ATAD3B: variants seen among roughly 807,000 people sequenced by gnomAD.
ATAD3B encodes the protein ATPase family AAA domain containing 3B, also known as ATPase family AAA domain-containing protein 3B.
ATAD3B carries 59 observed loss-of-function variants against 70.2 expected under a neutral mutation model. That is an observed-to-expected ratio of 0.84 (90% CI 0.68 to 1.04). The LOEUF (loss-of-function observed/expected upper bound fraction) is 1.04, where lower values mean the gene tolerates loss of function less well. Ranked by LOEUF, ATAD3B falls within the 50% of genes least tolerant of loss-of-function variation. The probability of loss-of-function intolerance (pLI) is 0.00; values close to 1 mark genes in which losing one functional copy is unlikely to be tolerated. For missense variants in ATAD3B, 961 were observed against 913.4 expected (o/e 1.05, Z -0.67); for synonymous variants, 423 against 388.6 (o/e 1.09, Z -1.04).
chr1:1,489,364 T>A (rs1211366275), intron 13 of ATAD3B, 90 bp downstream of exon 13: 1 of 1,593,476 alleles, frequency 6.3e-7, no homozygotes, highest in East Asian at 2.2e-5. Flanking sequence ...CTCACAGTGC[T>A]GGGCACCAGC....
intron 2 of ATAD3B, chr1:1,478,068 C>A (rs1639690880): frequency 5.4e-6 from 1 of 185,150 alleles, no homozygotes; most frequent in Non-Finnish European, 1.1e-5. Flanking sequence ...ATGGTTTGAT[C>A]TCGGCTCACT....
downstream of ATAD3B, among the ~76,000 whole-genome samples, chr1:1,499,752 GC>G (rs1640904561): frequency 1.3e-5 from 2 of 150,880 alleles, 1 homozygote; most frequent in Non-Finnish European, 2.9e-5. Flanking sequence ...GCGCCACCAA[GC>G]CCGGCTAATT....
intron 7 of ATAD3B, chr1:1,483,109 G>GT (rs1557802538): frequency 4.5e-6 from 2 of 445,050 alleles, no homozygotes; most frequent in Non-Finnish European, 9.0e-6. Flanking sequence ...CCTGGTAAGA[G>GT]TGAAACCCTG....
intron 4 of ATAD3B, among the ~76,000 whole-genome samples, chr1:1,480,127 A>G: frequency 7.1e-6 from 1 of 141,102 alleles, no homozygotes; most frequent in South Asian, 2.3e-4. Flanking sequence ...ACGTGTACGC[A>G]CCCCCACTCA....
chr1:1,483,303 C>G (rs1557802841), intron 7 of ATAD3B, among the ~76,000 whole-genome samples: 1 of 151,662 alleles, frequency 6.6e-6, no homozygotes, highest in Non-Finnish European at 1.5e-5. Flanking sequence ...CCCATCTCTG[C>G]TAAAAATACA....
In ATAD3B at chr1:1,486,125, CG is replaced by C. The variant is rs1317445682; in HGVS notation, c.982del (p.Val328CysfsTer6). On this transcript the variant is annotated frameshift_variant, in exon 10 of 16. Transcript: ENST00000673477. LOFTEE classifies it high-confidence loss of function. ...TCCCCGGCAGCCCAGCCTGGAAGCA[CG>C]GGTGCGCGACATCGCCATAGCAACC... ...GVVLSPSLEARVRDIAIATRN... is the reference protein window; with the variant it reads ...GVVLSPSLEAXVRDIAIATRN... 6.2e-7 allele frequency: 1 copy of C among 1,613,032 alleles called. No homozygotes were observed. Among genetic ancestry groups the C allele is most frequent in the East Asian group, 2.2e-5 (1 of 44,886 alleles).
In ATAD3B at chr1:1,496,407, A is replaced by G. The variant is rs3843247; in HGVS notation, c.*590A>G. On this transcript the variant is annotated 3_prime_UTR_variant, in exon 16 of 16. Coordinates refer to ENST00000673477, the MANE Select transcript of ATAD3B (RefSeq NM_031921.6). The stretch of plus-strand genomic sequence containing the variant: ...CCGGGACTGCCGCCTGCGCCCCACC[A>G]GCCCCTCCCTCCTGAAGGAGGGGCA... The G allele has an allele frequency of 4.1e-6, 1 of 242,630 alleles. No homozygotes were observed. Among genetic ancestry groups the G allele is most frequent in the Non-Finnish European group, 6.6e-6 (1 of 151,042 alleles). The allele number at this position is 242,630 out of a possible 1,614,324, so 15.0% of individuals were successfully genotyped here. A position where few individuals can be genotyped will look rare whatever the true frequency, so the allele number is the denominator to read the frequency against.
At position 1,489,196 on chromosome 1, in the gene ATAD3B, C is replaced by T. The variant is rs201345207; in HGVS notation, c.1267-8C>T. 4 of 1,613,468 alleles carry T rather than the reference C, an allele frequency of 2.5e-6. No individual in the cohort carries two copies. The highest frequency in any genetic ancestry group is 2.7e-5 in the African/African-American group (2 of 75,048). The stretch of plus-strand genomic sequence containing the variant: ...CTGGTGCCTAAGGCTGGAACCTTCT[C>T]TCTGCAGGAGGAGATAAGCAAGGAC... On this transcript the variant is annotated splice_polypyrimidine_tract_variant and splice_region_variant and intron_variant, in intron 12 of 15. Coordinates refer to ENST00000673477, the MANE Select transcript of ATAD3B (RefSeq NM_031921.6).
Position 1,495,655 on chromosome 1 carries a change from A to G in ATAD3B, c.1785A>G (p.Ser595=), listed in dbSNP as rs776553293. The G allele has an allele frequency of 1.2e-6, 2 of 1,612,684 alleles. No homozygotes were observed. Among genetic ancestry groups the G allele is most frequent in the Non-Finnish European group, 1.7e-6 (2 of 1,179,296 alleles). ...GAGTCCAAGGCGAGACCCTCACCTCATGGAGCCTGGCCACGGACCCCTCCT... is the reference window on the plus strand; with the variant it reads ...GAGTCCAAGGCGAGACCCTCACCTCGTGGAGCCTGGCCACGGACCCCTCCT... ...LSGVQGETLT[S]WSLATDPSYP... The change falls in exon 16 of 16, where the codon TCA becomes TCG. Residue 595 remains serine, a synonymous_variant. Transcript: ENST00000673477.
At chr1:1,479,513 C>G (rs1249100635) in intron 4 of ATAD3B, among the ~76,000 whole-genome samples, 1 of 143,056 alleles carries the variant, frequency 7.0e-6, no homozygotes, top group Non-Finnish European at 1.5e-5. Context: ...CATGGACAGA[C>G]ACCCGCAAAC....
At chr1:1,486,448 A>G in intron 10 of ATAD3B, 96 bp from the exon 11 acceptor site, 1 of 1,609,204 alleles carries the variant, frequency 6.2e-7, no homozygotes, top group Non-Finnish European at 8.5e-7. Flanking sequence ...CCAGACAGGG[A>G]CACCCGGCAG....
rs181726866 is a variant in ATAD3B, at chr1:1,493,278, G to A, written c.1615-2207G>A. ...CATATCTCTGGCCAGAGCTTCCAGC[G>A]ATATGTGGAATAGAAGTGGTCAGAA... On this transcript the variant is annotated intron_variant, in intron 15 of 15. Coordinates refer to ENST00000673477, the MANE Select transcript of ATAD3B (RefSeq NM_031921.6). Among the ~76,000 whole-genome samples the A allele has an allele frequency of 5.3e-5, 8 of 151,930 alleles. No homozygotes were observed. The South Asian group carries it at 6.3e-4, about 12-fold the overall frequency.
chr1:1,504,928 TTGTGTGTGTG>T, the ATAD3B span, among the ~76,000 whole-genome samples: 3 of 149,418 alleles, frequency 2.0e-5, no homozygotes, highest in Non-Finnish European at 4.5e-5. Flanking sequence ...CTTCAACAGT[TTGTGTGTGTG>T]TGTGTGTGTG....
rs757636796 is a variant in ATAD3B at position 1,486,223 on chromosome 1, G to A, written c.1077G>A (p.Thr359=). The A allele has an allele frequency of 2.7e-5, 44 of 1,612,852 alleles. 1 individual carries two copies. The highest frequency in any genetic ancestry group is 6.7e-5 in the Admixed American group (4 of 59,960). ...LLYGPPGTGK[T]LFAKKLALHS... The stretch of plus-strand genomic sequence containing the variant: ...ATGGGCCACCAGGCACCGGGAAGAC[G>A]CTGTTTGCCAAGGTGAGAGCGCCTG... Residue 359 remains threonine, a synonymous_variant, in exon 10 of 16, where the codon ACG becomes ACA. Coordinates refer to ENST00000673477, the MANE Select transcript of ATAD3B (RefSeq NM_031921.6).
Position 1,497,727 on chromosome 1 carries a change from ATGG to A in ATAD3B, c.*1915_*1917del, listed in dbSNP as rs1640836767. The A allele has an allele frequency of 7.1e-6, 1 of 139,960 alleles. No individual in the cohort carries two copies. The highest frequency in any genetic ancestry group is 6.8e-5 in the Admixed American group (1 of 14,656). The allele number at this position is 139,960 out of a possible 1,614,324, so 8.7% of individuals were successfully genotyped here. A position where few individuals can be genotyped will look rare whatever the true frequency, so the allele number is the denominator to read the frequency against. Reference sequence around the variant, plus strand: ...TAAAAATACAAAAAAATTAGCCGGCATGGTGGTAGGTGACTGTAATCCCAGCTA... The same window carrying A: ...TAAAAATACAAAAAAATTAGCCGGCATGGTAGGTGACTGTAATCCCAGCTA... On this transcript the variant is annotated 3_prime_UTR_variant, in exon 16 of 16. Coordinates refer to ENST00000673477, the MANE Select transcript of ATAD3B (RefSeq NM_031921.6).
At chr1:1,490,749 C>T (rs561289528) in intron 15 of ATAD3B, 78 bp downstream of exon 15, 1 of 1,525,508 alleles carries the variant, frequency 6.6e-7, no homozygotes, top group Admixed American at 2.0e-5. Flanking sequence ...AGGCCTGTCC[C>T]AGCACCGGTG....
downstream of ATAD3B, among the ~76,000 whole-genome samples, chr1:1,498,546 C>A (rs577751581): frequency 4.4e-3 from 666 of 151,892 alleles, 2 homozygotes; most frequent in Non-Finnish European, 6.0e-3. Flanking sequence ...GGTGGGGGTA[C>A]AGCTGGGGAA....
At chr1:1,502,513 T>C (rs1479054535), downstream of ATAD3B, among the ~76,000 whole-genome samples, 3 of 136,528 alleles carry the variant, frequency 2.2e-5, no homozygotes, top group African/African-American at 8.7e-5. Flanking sequence ...CAGCATTTTT[T>C]TTTTTTTTTT....
intron 4 of ATAD3B, among the ~76,000 whole-genome samples, chr1:1,479,329 C>T (rs1639771319): frequency 6.8e-6 from 1 of 147,788 alleles, no homozygotes; most frequent in South Asian, 2.2e-4. Flanking sequence ...GGCACCTGCC[C>T]ACACAGACAC....
Sources: gnomAD v4.1 joint callset for allele counts (sites outside exome capture counted in the v4.1 genomes callset) on GRCh38, gnomAD v4.1.1 for gene constraint, MANE v1.5 for transcripts, NCBI Gene and HGNC (gene_info 2026-07-23, HGNC 2026-07-21) for gene names.